PLTP: variants seen among roughly 807,000 people sequenced by gnomAD.
PLTP encodes the protein phospholipid transfer protein.
PLTP carries 43 observed loss-of-function variants against 54.1 expected under a neutral mutation model. The ratio of observed to expected loss-of-function variants is 0.79; its 90% CI spans 0.62 to 1.02. PLTP has a LOEUF of 1.02. Ranked by LOEUF, PLTP falls within the 50% of genes least tolerant of loss-of-function variation. PLTP has a pLI of 0.00. For synonymous variants in PLTP, 263 were observed against 264.6 expected (o/e 0.99, Z 0.06); for missense variants, 604 against 645.9 (o/e 0.94, Z 0.70).
intron 5 of PLTP, 89 bp from the exon 6 acceptor site, chr20:45,907,993 G>T: frequency 8.7e-7 from 1 of 1,149,322 alleles, no homozygotes; most frequent in Non-Finnish European, 1.3e-6. Context: ...GGAAATAGTG[G>T]CAGTAGGAGT....
At position 45,911,473 on chromosome 20, in the gene PLTP, G is replaced by C; in HGVS notation, c.-11-10C>G. 1 of 1,600,952 alleles carries C rather than the reference G, an allele frequency of 6.2e-7. No homozygotes were observed. On this transcript the variant is annotated splice_polypyrimidine_tract_variant and intron_variant, in intron 1 of 15. Transcript: ENST00000372431. ...GCCATGGCGAGCGGGCCTGGGGGTG[G>C]GGTGGGGTCGCAGGAGTTATCTGAG... is the stretch of plus-strand genomic sequence containing the variant.
rs373043557 is a variant in PLTP at position 45,902,303 on chromosome 20, C to A, written c.1139G>T (p.Arg380Leu). The change falls in exon 12 of 16, where the codon CGG (arginine) becomes CTG (leucine). Residue 380 changes from arginine to leucine, a missense_variant. Physicochemically the swap from Arg to Leu is moderately radical, Grantham distance 102 (BLOSUM62 -2). Coordinates refer to ENST00000372431, the MANE Select transcript of PLTP (RefSeq NM_006227.4). ...CAGCTGCGTGCGCAGGGCCTTCCCC[C>A]GGAGAGCCATCTTGGCGCTGAGACG... ...DARLSAKMAL[R>L]GKALRTQLDL... 5.0e-6 allele frequency: 8 copies of A among 1,614,006 alleles called. No individual in the cohort carries two copies. The highest frequency in any genetic ancestry group is 6.8e-6 in the Non-Finnish European group (8 of 1,180,050).
chr20:45,902,749 C>T, intron 10 of PLTP, 145 bp from the exon 11 acceptor site: 2 of 770,284 alleles, frequency 2.6e-6, no homozygotes, highest in Non-Finnish European at 4.1e-6. Flanking sequence ...GCTTCCAAAA[C>T]TCTCACATCT....
chr20:45,899,483 A>G lies in PLTP; in HGVS notation c.1338T>C (p.His446=), dbSNP rs1316327348. 1 of 1,614,132 alleles carries G rather than the reference A, an allele frequency of 6.2e-7. No homozygotes were observed. Among genetic ancestry groups the G allele is most frequent in the East Asian group, 2.2e-5 (1 of 44,862 alleles). ...IPLPEGINFV[H]EVVTNHAGFL... ...TCACCGCATGGTTCGTCACCACCTC[A>G]TGCACAAAGTTGATGCCCTCAGGTA... The change falls in exon 15 of 16, where the codon CAT becomes CAC. Residue 446 remains histidine, a synonymous_variant. Transcript: ENST00000372431.
At chr20:45,905,212 G>C in intron 8 of PLTP, 94 bp from the exon 9 acceptor site, 1 of 1,080,488 alleles carries the variant, frequency 9.3e-7, no homozygotes, top group Admixed American at 1.9e-5. Context: ...AGGCACTGTG[G>C]GGGGATGGTG....
At chr20:45,909,786 C>A (rs1347573149) in intron 4 of PLTP, 115 bp from the exon 5 acceptor site, 4 of 1,448,786 alleles carry the variant, frequency 2.8e-6, no homozygotes, top group Non-Finnish European at 3.9e-6. Context: ...TCCTACCAAA[C>A]CTTCCTATCA....
chr20:45,905,101 CAGG>C lies in PLTP; in HGVS notation c.720_722del (p.Leu241del). On this transcript the variant is annotated inframe_deletion, in exon 9 of 16. Coordinates refer to ENST00000372431, the MANE Select transcript of PLTP (RefSeq NM_006227.4). ...TGGGGAGGCTCCAGTTCCTCTCAGTCAGGGGGAAGAAGGCCCCCTGGGGTGGGG... is the reference window on the plus strand; with the variant it reads ...TGGGGAGGCTCCAGTTCCTCTCAGTCGGGAAGAAGGCCCCCTGGGGTGGGG... 1 of 1,614,134 alleles carries C rather than the reference CAGG, an allele frequency of 6.2e-7. No individual in the cohort carries two copies. Among genetic ancestry groups the C allele is most frequent in the Non-Finnish European group, 8.5e-7 (1 of 1,180,022 alleles).
intron 14 of PLTP, 38 bp from the exon 15 acceptor site, chr20:45,899,576 C>T (rs1247195615): frequency 3.7e-6 from 6 of 1,614,054 alleles, no homozygotes; most frequent in South Asian, 1.1e-5. Flanking sequence ...TGGGCCCGCC[C>T]AGTTCACCCC....
intron 8 of PLTP, 66 bp downstream of exon 8, chr20:45,906,202 G>A (rs1231980309): frequency 9.1e-7 from 1 of 1,097,290 alleles, no homozygotes; most frequent in African/African-American, 1.5e-5. Flanking sequence ...GTAAAATCTT[G>A]CAACTTAGCA....
At chr20:45,900,098 CTTTTTTTTT>C (rs71181874) in intron 12 of PLTP, among the ~76,000 whole-genome samples, 5 of 55,698 alleles carry the variant, frequency 9.0e-5, no homozygotes, top group Admixed American at 2.7e-4. Flanking sequence ...TTGAGCACCT[CTTTTTTTTT>C]TTTTTTTTTT....
At chr20:45,899,355 GA>G in intron 15 of PLTP, 106 bp downstream of exon 15, 1 of 1,218,940 alleles carries the variant, frequency 8.2e-7, no homozygotes, top group Non-Finnish European at 1.2e-6. Flanking sequence ...ATTAAAATGG[GA>G]GGGGCGACTG....
Position 45,899,027 on chromosome 20 carries a change from T to C in PLTP, c.1396A>G (p.Lys466Glu). The change falls in exon 16 of 16, where the codon AAA becomes GAA. Residue 466 changes from lysine (K) to glutamate (E), a missense_variant. By Grantham distance (56) the Lys-to-Glu change is moderately conservative. Coordinates refer to ENST00000372431, the MANE Select transcript of PLTP (RefSeq NM_006227.4). ...LTIGADLHFA[K>E]GLREVIEKNR... ...TTCTCAATCACCTCTCGCAGCCCTT[T>C]GGCAAAGTGGAGATCAGCCCCGATG... 6.2e-7 allele frequency: 1 copy of C among 1,614,192 alleles called. No homozygotes were observed. Among genetic ancestry groups the C allele is most frequent in the African/African-American group, 1.3e-5 (1 of 75,048 alleles).
chr20:45,904,448 G>A (rs1281886207), intron 10 of PLTP, among the ~76,000 whole-genome samples: 1 of 152,104 alleles, frequency 6.6e-6, no homozygotes, highest in Admixed American at 6.5e-5. Flanking sequence ...GGGTGACAAA[G>A]TGAGACTCTT....
chr20:45,898,982 T>G lies in PLTP; in HGVS notation c.1441A>C (p.Arg481=). The part of the protein sequence containing the change: ...VIEKNRPADV[R]ASTAPTPSTA... ...GACGGTGTGGGGGCAGTGGACGCCC[T>G]GACATCAGCAGGCCGGTTCTTCTCA... The change falls in exon 16 of 16, where the codon AGG becomes CGG. Residue 481 remains arginine, a synonymous_variant. Coordinates refer to ENST00000372431, the MANE Select transcript of PLTP (RefSeq NM_006227.4). The surrounding 1 kb of genome is among the most constrained non-coding windows in gnomAD (Gnocchi z 4.6). The G allele has an allele frequency of 6.2e-7, 1 of 1,614,070 alleles. No homozygotes were observed. The highest frequency in any genetic ancestry group is 8.5e-7 in the Non-Finnish European group (1 of 1,179,982).
intron 4 of PLTP, 127 bp downstream of exon 4, chr20:45,909,815 T>A (rs943495665): frequency 7.0e-6 from 10 of 1,427,508 alleles, no homozygotes; most frequent in Non-Finnish European, 8.9e-6. Flanking sequence ...GAAATGCATA[T>A]GCCTGTTTCT....
At chr20:45,902,044 G>A (rs935015944) in intron 12 of PLTP, among the ~76,000 whole-genome samples, 1 of 152,174 alleles carries the variant, frequency 6.6e-6, no homozygotes, top group African/African-American at 2.4e-5. Flanking sequence ...TAACATTGCT[G>A]GACCCATTTG....
intron 12 of PLTP, among the ~76,000 whole-genome samples, chr20:45,901,839 C>T (rs2083187196): frequency 6.8e-6 from 1 of 148,046 alleles, no homozygotes; most frequent in Admixed American, 6.9e-5. Context: ...GCAGAGGTGG[C>T]AGTGAGTCAA....
intron 10 of PLTP, 60 bp from the exon 11 acceptor site, chr20:45,902,664 G>A: frequency 6.7e-7 from 1 of 1,499,228 alleles, no homozygotes; most frequent in South Asian, 1.2e-5. Flanking sequence ...AGCCCCCAGG[G>A]AAGAAGGGGA....
intron 13 of PLTP, 24 bp downstream of exon 13, chr20:45,899,812 G>GCGCC: frequency 9.7e-6 from 3 of 309,342 alleles, no homozygotes; most frequent in Non-Finnish European, 1.9e-5. Flanking sequence ...ACCCAGCCCA[G>GCGCC]CCCACCCACC....
Sources: gnomAD v4.1 joint callset for allele counts (sites outside exome capture counted in the v4.1 genomes callset) on GRCh38, gnomAD v4.1.1 for gene constraint, Gnocchi (gnomAD v3.1) non-coding constraint, MANE v1.5 for transcripts, NCBI Gene and HGNC (gene_info 2026-07-23, HGNC 2026-07-21) for gene names.